Variants in NINJ2 observed in about 807,000 individuals in gnomAD.
NINJ2 encodes ninjurin 2.
NINJ2 carries 12 observed loss-of-function variants against 11.7 expected under a neutral mutation model. That is an observed-to-expected ratio of 1.02 (90% CI 0.66 to 1.66). NINJ2 has a LOEUF of 1.66. Ranked by LOEUF, NINJ2 falls within the 40% of genes most tolerant of loss-of-function variation. The probability of loss-of-function intolerance (pLI) is 0.00; values close to 1 mark genes in which losing one functional copy is unlikely to be tolerated. For synonymous variants in NINJ2, 93 were observed against 76.8 expected, an observed-to-expected ratio of 1.21 and a Z score of -1.10; for missense variants, 187 against 181.8, an observed-to-expected ratio of 1.03 and a Z score of -0.16.
intron 1 of NINJ2, chr12:643,370 C>T: frequency 1.1e-6 from 1 of 907,100 alleles, no homozygotes; most frequent in African/African-American, 1.8e-5. Context: ...TTCCTGAGTC[C>T]GCGGAGGAAA....
intron 1 of NINJ2, among the ~76,000 whole-genome samples, chr12:636,247 G>A (rs919594055): frequency 3.3e-5 from 5 of 151,990 alleles, no homozygotes; most frequent in Non-Finnish European, 5.9e-5. Context: ...GTGGTGGCAC[G>A]TGCCTGTAAT....
chr12:577,416 C>CATATATATATATCATATATATGT (rs1947474952), intron 1 of NINJ2, among the ~76,000 whole-genome samples: 1 of 121,240 alleles, frequency 8.2e-6, no homozygotes, highest in Non-Finnish European at 1.8e-5. Context: ...ACACTAGTCT[C>CATATATATATATCATATATATGT]ATATATATAT....
At chr12:613,915 A>G (rs1948062745) in intron 1 of NINJ2, among the ~76,000 whole-genome samples, 1 of 152,038 alleles carries the variant, frequency 6.6e-6, no homozygotes, top group South Asian at 2.1e-4. Flanking sequence ...AAAAAATAAT[A>G]ATAATAAATT....
chr12:625,121 G>GAT (rs35114418), intron 1 of NINJ2, among the ~76,000 whole-genome samples: 9,487 of 130,584 alleles, frequency 0.073, 407 homozygotes, highest in Non-Finnish European at 0.1. Flanking sequence ...AAAAAAAAAA[G>GAT]ATATATATAT....
At chr12:593,394 T>A (rs534760563) in intron 1 of NINJ2, among the ~76,000 whole-genome samples, 4 of 152,106 alleles carry the variant, frequency 2.6e-5, no homozygotes, top group Admixed American at 2.6e-4. Context: ...GTGATGAAGC[T>A]CCCAGCTTCA....
At chr12:608,730 T>TCAGC (rs10651759) in intron 1 of NINJ2, among the ~76,000 whole-genome samples, 4 of 151,758 alleles carry the variant, frequency 2.6e-5, no homozygotes, top group African/African-American at 9.7e-5. Context: ...CTCAGCAATG[T>TCAGC]GGTGAGGTGC....
At chr12:603,711 A>T (rs1947902165) in intron 1 of NINJ2, among the ~76,000 whole-genome samples, 1 of 151,136 alleles carries the variant, frequency 6.6e-6, no homozygotes, top group Admixed American at 6.6e-5. Flanking sequence ...CCCAGGCTGG[A>T]GTATAGTGGT....
intron 1 of NINJ2, among the ~76,000 whole-genome samples, chr12:650,201 CAGCCTCCTG>C (rs1937765788): frequency 6.6e-6 from 1 of 151,886 alleles, no homozygotes; most frequent in Non-Finnish European, 1.5e-5. Flanking sequence ...TCTCATGCCT[CAGCCTCCTG>C]AGTAGCTGGG....
intron 1 of NINJ2, among the ~76,000 whole-genome samples, chr12:625,053 G>T (rs1450807385): frequency 7.0e-6 from 1 of 141,942 alleles, no homozygotes; most frequent in African/African-American, 2.7e-5. Flanking sequence ...AGGTTGCAGT[G>T]ATCGTGCCAC....
At chr12:566,202 T>TA (rs778389788) in intron 1 of NINJ2, 24 bp from the exon 2 acceptor site, 2 of 1,588,474 alleles carry the variant, frequency 1.3e-6, no homozygotes, top group Non-Finnish European at 1.7e-6. Context: ...AGCACAGACT[T>TA]ACCAAGGGGA....
chr12:631,350 T>C (rs909767994), intron 1 of NINJ2, among the ~76,000 whole-genome samples: 3 of 152,104 alleles, frequency 2.0e-5, no homozygotes, highest in Admixed American at 2.0e-4. Flanking sequence ...TACCTTTTTT[T>C]GTTAAATTTT....
intron 1 of NINJ2, among the ~76,000 whole-genome samples, chr12:573,779 G>C (rs1162556522): frequency 6.6e-6 from 1 of 152,150 alleles, no homozygotes; most frequent in African/African-American, 2.4e-5. Context: ...CTGAGCCCCT[G>C]CACTGCTGCC....
Position 605,493 on chromosome 12 carries a change from G to A in NINJ2, c.34-39315C>T, listed in dbSNP as rs112486971. Among the ~76,000 whole-genome samples, 868 of 152,360 alleles carry A rather than the reference G, an allele frequency of 5.7e-3. 8 individuals are homozygous for A. The highest frequency in any genetic ancestry group is 0.02 in the African/African-American group (831 of 41,592). On this transcript the variant is annotated intron_variant, in intron 1 of 3. Coordinates refer to ENST00000305108, the MANE Select transcript of NINJ2 (RefSeq NM_016533.6). ...GAGGATCGCTTGAGCCCAGGAGTTCGAAGCTGCAGTGAGCTGTGATTGCAC... is the reference window on the plus strand; with the variant it reads ...GAGGATCGCTTGAGCCCAGGAGTTCAAAGCTGCAGTGAGCTGTGATTGCAC...
Position 628,876 on chromosome 12 carries a change from T to C in NINJ2, c.33+34452A>G, listed in dbSNP as rs1479417323. On this transcript the variant is annotated intron_variant, in intron 1 of 3. Transcript: ENST00000305108. This position sits in a 1 kb window ranked among gnomAD's most constrained non-coding sequence, Gnocchi z 4.4. The stretch of plus-strand genomic sequence containing the variant: ...ATGCCATGGCAACACCTGGAAATTA[T>C]CCTATATGGTCTAAAAGAAGGAGGA... Among the ~76,000 whole-genome samples, 1 of 152,054 alleles carries C rather than the reference T, an allele frequency of 6.6e-6. No individual in the cohort carries two copies. The highest frequency in any genetic ancestry group is 1.5e-5 in the Non-Finnish European group (1 of 67,996).
chr12:609,308 ACG>A (rs1252129577), intron 1 of NINJ2, among the ~76,000 whole-genome samples: 12 of 85,340 alleles, frequency 1.4e-4, no homozygotes, highest in African/African-American at 3.6e-4. Context: ...GCACGGCGCC[ACG>A]CGCTAGGTGC....
rs138519332 is a variant in NINJ2 at position 604,832 on chromosome 12, A to AC, written c.34-38655dup. On this transcript the variant is annotated intron_variant, in intron 1 of 3. Coordinates refer to ENST00000305108, the MANE Select transcript of NINJ2 (RefSeq NM_016533.6). ...AGTTCAACCCTCCGACTCCTTCACC[A>AC]CCCCTCAAAGCCTGTTGACAGATCC... Among the ~76,000 whole-genome samples the AC allele has an allele frequency of 7.1e-3, 1,082 of 152,036 alleles. 11 individuals are homozygous for AC. Among genetic ancestry groups the AC allele is most frequent in the African/African-American group, 0.024 (1,004 of 41,446 alleles).
chr12:611,277 C>T (rs1948030166), intron 1 of NINJ2, among the ~76,000 whole-genome samples: 1 of 147,068 alleles, frequency 6.8e-6, no homozygotes, highest in African/African-American at 2.5e-5. Context: ...TTCTTTCTCT[C>T]TCTCTTTCTT....
intron 1 of NINJ2, chr12:643,715 G>C (rs1421029777): frequency 2.5e-5 from 25 of 985,002 alleles, no homozygotes; most frequent in Non-Finnish European, 2.9e-5. Context: ...CATCAGCCAA[G>C]AGGTCACATC....
chr12:651,760 A>C (rs950812099), intron 1 of NINJ2, among the ~76,000 whole-genome samples: 4 of 152,224 alleles, frequency 2.6e-5, no homozygotes, highest in Non-Finnish European at 4.4e-5. Flanking sequence ...ACCCTAAGAG[A>C]GAACCAAAAA....
Sources: allele counts gnomAD v4.1 joint callset (sites outside exome capture counted in the v4.1 genomes callset), GRCh38; gene constraint gnomAD v4.1.1; non-coding constraint Gnocchi (gnomAD v3.1); transcripts MANE v1.5; gene names NCBI Gene and HGNC (gene_info 2026-07-23, HGNC 2026-07-21).